Variants in MYO18B observed in about 807,000 individuals in gnomAD.
MYO18B encodes the protein unconventional myosin-XVIIIb.
MYO18B carries 204 observed loss-of-function variants against 273.0 expected under a neutral mutation model. The observed-to-expected ratio is 0.75, with a 90% CI of 0.67 to 0.84. The LOEUF is 0.84. MYO18B is among the 40% of genes least tolerant of loss of function. The pLI is 0.00. For missense variants in MYO18B, 3,212 were observed against 3,287.6 expected (o/e 0.98, Z 0.56); for synonymous variants, 1,330 against 1,305.7 (o/e 1.02, Z -0.40).
At chr22:26,059,844 A>C in the MYO18B span, among the ~76,000 whole-genome samples, 24 of 152,294 alleles carry the variant, frequency 1.6e-4, no homozygotes, top group South Asian at 5.0e-3. Context: ...TTGGAAGAAG[A>C]AATTGCATGC....
chr22:25,835,540 C>T, intron 17 of MYO18B, 97 bp downstream of exon 17: 3 of 1,468,282 alleles, frequency 2.0e-6, no homozygotes, highest in Non-Finnish European at 2.8e-6. Context: ...AAGGCCTGCA[C>T]AGAGGCTCCA....
chr22:26,026,641 C>A lies in MYO18B; in HGVS notation c.6667C>A (p.Pro2223Thr), dbSNP rs753096037. Residue 2223 changes from proline (P) to threonine (T), a missense_variant, in exon 43 of 44, where the codon CCT becomes ACT. Pro to Thr is a conservative substitution (Grantham distance 38). Transcript: ENST00000335473. ...VQRKSTERLE[P>T]ASSPLASRST... Reference sequence around the variant, plus strand: ...GAGAAAGTCCACAGAGAGATTAGAACCTGCTTCCTCTCCCCTGGCTTCTCG... The same window carrying A: ...GAGAAAGTCCACAGAGAGATTAGAAACTGCTTCCTCTCCCCTGGCTTCTCG... 1.2e-6 allele frequency: 2 copies of A among 1,613,286 alleles called. No individual in the cohort carries two copies. The highest frequency in any genetic ancestry group is 2.2e-5 in the East Asian group (1 of 44,878).
chr22:25,790,699 C>T (rs567936942), intron 11 of MYO18B, among the ~76,000 whole-genome samples: 4 of 152,222 alleles, frequency 2.6e-5, no homozygotes, highest in African/African-American at 7.2e-5. Flanking sequence ...ATTTTCGAAT[C>T]GTTTGCTACT....
chr22:25,817,188 C>G (rs1219607288), intron 12 of MYO18B, among the ~76,000 whole-genome samples: 1 of 151,692 alleles, frequency 6.6e-6, no homozygotes, highest in Non-Finnish European at 1.5e-5. Flanking sequence ...TCCTTTTCCT[C>G]CCTTCCTCCC....
intron 12 of MYO18B, among the ~76,000 whole-genome samples, chr22:25,800,149 A>C (rs7289547): frequency 6.6e-6 from 1 of 151,876 alleles, no homozygotes; most frequent in African/African-American, 2.4e-5. Context: ...ATGCAAAGGC[A>C]TAAGAATGAT....
In MYO18B at chr22:25,753,580, T is replaced by G. The variant is rs2086014374; in HGVS notation, c.-109-7404T>G. ...TTTCGCTCTTTGCAATAATTCTTGC[T>G]GCTGGTCGATTGTTGGGTCTACGCT... On this transcript the variant is annotated intron_variant, in intron 1 of 43. Transcript: ENST00000335473. 3.9e-5 allele frequency among the ~76,000 whole-genome samples: 6 copies of G among 152,346 alleles called. 1 individual carries two copies. In the South Asian group the frequency reaches 1.2e-3, roughly 32 times the overall value.
At chr22:25,857,121 A>G (rs1027893111) in intron 21 of MYO18B, among the ~76,000 whole-genome samples, 1 of 152,132 alleles carries the variant, frequency 6.6e-6, no homozygotes, top group Non-Finnish European at 1.5e-5. Context: ...TGGTTAGATG[A>G]TGCTTTAACC....
the MYO18B span, among the ~76,000 whole-genome samples, chr22:26,039,199 A>G: frequency 6.6e-6 from 1 of 152,102 alleles, no homozygotes; most frequent in Non-Finnish European, 1.5e-5. Context: ...CTCCCAGTCC[A>G]CTGACTCAAA....
Position 25,768,939 on chromosome 22 carries a change from C to T in MYO18B, c.1023C>T (p.Leu341=). The change falls in exon 4 of 44, where the codon CTC becomes CTT. Residue 341 remains leucine, a synonymous_variant. Transcript: ENST00000335473. ...PQNKKDKEGV[L]LSKAEKTGEP... ...ATAAGAAGGACAAAGAAGGGGTGCT[C>T]TTAAGTAAGGCAGAGAAGACAGGTG... 1 of 1,612,158 alleles carries T rather than the reference C, an allele frequency of 6.2e-7. No individual in the cohort carries two copies.
rs2090248579 is a variant in MYO18B, at chr22:25,846,425, G to T, written c.3552+142G>T. 5 of 899,498 alleles carry T rather than the reference G, an allele frequency of 5.6e-6. No homozygotes were observed. In the South Asian group the frequency reaches 8.6e-5, roughly 16 times the overall value. 55.7% of individuals were successfully genotyped at this position (899,498 alleles called of 1,614,324 possible). Reference sequence around the variant, plus strand: ...GAGTGTCACCCCACGCTCCACAGAGGAGGAAATGGGGGCTCCCAGCAGCAA... The same window carrying T: ...GAGTGTCACCCCACGCTCCACAGAGTAGGAAATGGGGGCTCCCAGCAGCAA... On this transcript the variant is annotated intron_variant, in intron 19 of 43. Transcript: ENST00000335473.
At chr22:26,017,973 T>TG (rs1375811867) in intron 42 of MYO18B, among the ~76,000 whole-genome samples, 1 of 56,040 alleles carries the variant, frequency 1.8e-5, no homozygotes, top group African/African-American at 5.5e-5. Context: ...TTTTGTTTTT[T>TG]TTTTTTTTTT....
Position 25,891,931 on chromosome 22 carries a change from G to A in MYO18B, c.4543+519G>A, listed in dbSNP as rs541965050. Among the ~76,000 whole-genome samples, 18 of 152,286 alleles carry A rather than the reference G, an allele frequency of 1.2e-4. No homozygotes were observed. In the South Asian group the frequency reaches 2.7e-3, roughly 23 times the overall value. ...AAGTCCCAGCTACTTGGGAGGCTGA[G>A]GTAGGAGGATCACTTAAGCCTGGGA... On this transcript the variant is annotated intron_variant, in intron 27 of 43. Transcript: ENST00000335473.
At chr22:25,847,287 G>T in intron 19 of MYO18B, 143 bp from the exon 20 acceptor site, 1 of 637,982 alleles carries the variant, frequency 1.6e-6, no homozygotes, top group South Asian at 1.9e-5. Flanking sequence ...CACAAATCAG[G>T]CTGTAGGTGG....
rs746580773 is a variant in MYO18B at position 25,823,501 on chromosome 22, G to A, written c.2522-4G>A. The stretch of plus-strand genomic sequence containing the variant: ...GCCACGCCTCTGTTTTGTCCCCTTT[G>A]CAGTGGGTCGGAAGCAGTTCATGAG... On this transcript the variant is annotated splice_region_variant and splice_polypyrimidine_tract_variant and intron_variant, in intron 12 of 43. Coordinates refer to ENST00000335473, the MANE Select transcript of MYO18B (RefSeq NM_032608.7). 6.2e-6 allele frequency: 10 copies of A among 1,613,600 alleles called. No individual in the cohort carries two copies. The highest frequency in any genetic ancestry group is 8.5e-6 in the Non-Finnish European group (10 of 1,179,768).
At chr22:25,917,545 G>GGTGTGTGTGT (rs3070569) in intron 33 of MYO18B, among the ~76,000 whole-genome samples, 1,650 of 142,198 alleles carry the variant, frequency 0.012, 19 homozygotes, top group African/African-American at 0.014. Context: ...GCTTTGTAGG[G>GGTGTGTGTGT]GTGTGTGTGT....
chr22:25,795,927 C>G (rs1357923842), intron 11 of MYO18B, among the ~76,000 whole-genome samples: 4 of 152,126 alleles, frequency 2.6e-5, no homozygotes, highest in African/African-American at 4.8e-5. Flanking sequence ...GTATCTGATA[C>G]TAATTTGCTG....
intron 39 of MYO18B, among the ~76,000 whole-genome samples, chr22:25,968,036 G>C (rs2092997552): frequency 6.6e-6 from 1 of 152,118 alleles, no homozygotes; most frequent in Non-Finnish European, 1.5e-5. Flanking sequence ...CCATTGCCTT[G>C]GAGTTGATTG....
chr22:25,867,715 C>T (rs144335383), intron 21 of MYO18B, among the ~76,000 whole-genome samples: 6,540 of 152,116 alleles, frequency 0.043, 194 homozygotes, highest in Non-Finnish European at 0.065. Flanking sequence ...CTGCAAGCTC[C>T]GCCTCCCAGG....
At chr22:25,985,949 C>T (rs2093197940) in intron 39 of MYO18B, among the ~76,000 whole-genome samples, 1 of 152,160 alleles carries the variant, frequency 6.6e-6, no homozygotes, top group African/African-American at 2.4e-5. Context: ...CTTTTATTCC[C>T]CCACTTCACA....
Sources: allele counts gnomAD v4.1 joint callset (sites outside exome capture counted in the v4.1 genomes callset), GRCh38; gene constraint gnomAD v4.1.1; transcripts MANE v1.5; gene names NCBI Gene and HGNC (gene_info 2026-07-23, HGNC 2026-07-21).